SEMA6D: variants seen among roughly 807,000 people sequenced by gnomAD.
The protein encoded by SEMA6D is semaphorin-6D.
Under a neutral mutation model 106.6 loss-of-function variants are expected in SEMA6D, and 35 were observed. That is an observed-to-expected ratio of 0.33 (90% CI 0.25 to 0.44). The LOEUF is 0.44. Ranked by LOEUF, SEMA6D falls within the 20% of genes least tolerant of loss-of-function variation. The probability of loss-of-function intolerance (pLI) is 1.00; values close to 1 mark genes in which losing one functional copy is unlikely to be tolerated. For missense variants in SEMA6D, 1,185 were observed against 1,345.9 expected (o/e 0.88, Z 1.87); for synonymous variants, 499 against 487.7 (o/e 1.02, Z -0.31).
At chr15:47,689,567 T>A (rs906258487) in intron 4 of SEMA6D, among the ~76,000 whole-genome samples, 2 of 152,230 alleles carry the variant, frequency 1.3e-5, no homozygotes, top group African/African-American at 4.8e-5. Flanking sequence ...TCTTCAGGTC[T>A]TGCCTTGGAC....
chr15:47,411,785 G>A (rs1478546876), intron 1 of SEMA6D, among the ~76,000 whole-genome samples: 3 of 151,996 alleles, frequency 2.0e-5, no homozygotes, highest in Non-Finnish European at 1.5e-5. Context: ...GCCACTTCCG[G>A]GTTCAGATCC....
At chr15:47,351,514 C>T (rs541544895) in intron 1 of SEMA6D, among the ~76,000 whole-genome samples, 2 of 152,198 alleles carry the variant, frequency 1.3e-5, no homozygotes, top group Admixed American at 1.3e-4. Context: ...TATTGTTATT[C>T]CTGATTCAGC....
chr15:47,710,586 G>GCA (rs2078997485), intron 4 of SEMA6D, among the ~76,000 whole-genome samples: 1 of 151,986 alleles, frequency 6.6e-6, no homozygotes, highest in Admixed American at 6.6e-5. Context: ...AAATACACAC[G>GCA]CACACACACA....
chr15:47,658,478 A>G (rs980130404), intron 4 of SEMA6D, among the ~76,000 whole-genome samples: 7 of 152,222 alleles, frequency 4.6e-5, no homozygotes, highest in African/African-American at 1.7e-4. Flanking sequence ...AATGTGAAAA[A>G]AATATGTAGC....
intron 1 of SEMA6D, among the ~76,000 whole-genome samples, chr15:47,258,885 T>A (rs547888808): frequency 2.6e-5 from 4 of 152,300 alleles, no homozygotes; most frequent in Non-Finnish European, 4.4e-5. Context: ...TCTGCTTGTT[T>A]CCTTTCATTC....
At chr15:47,218,413 G>A (rs969549217) in intron 1 of SEMA6D, among the ~76,000 whole-genome samples, 3 of 152,050 alleles carry the variant, frequency 2.0e-5, no homozygotes, top group Non-Finnish European at 4.4e-5. Flanking sequence ...GTACTCTTCC[G>A]AGGTGGCTTG....
intron 3 of SEMA6D, among the ~76,000 whole-genome samples, chr15:47,471,775 C>A (rs531983397): frequency 2.0e-5 from 3 of 152,082 alleles, no homozygotes; most frequent in East Asian, 1.9e-4. Context: ...GGGAAGAGAG[C>A]GAGGCATGTC....
chr15:47,667,896 C>T (rs189032647), intron 4 of SEMA6D, among the ~76,000 whole-genome samples: 2 of 152,220 alleles, frequency 1.3e-5, no homozygotes, highest in East Asian at 3.9e-4. Context: ...ATGCAGGTTC[C>T]CAGAGTCCTA....
intron 1 of SEMA6D, among the ~76,000 whole-genome samples, chr15:47,281,861 A>G (rs569887441): frequency 7.7e-4 from 117 of 152,170 alleles, no homozygotes; most frequent in Non-Finnish European, 1.3e-3. Context: ...TTATATTTCC[A>G]CGATACATCT....
chr15:47,246,173 T>C (rs886231425), intron 1 of SEMA6D, among the ~76,000 whole-genome samples: 2 of 152,190 alleles, frequency 1.3e-5, no homozygotes, highest in African/African-American at 2.4e-5. Context: ...GAGTGACTAC[T>C]AGCAGAGGTG....
chr15:47,760,000 A>AT (rs2081974276), intron 2 of SEMA6D, 93 bp downstream of exon 2: 1 of 950,268 alleles, frequency 1.1e-6, no homozygotes, highest in Non-Finnish European at 1.7e-6. Flanking sequence ...AGAGGCAGAG[A>AT]TTTTTTATGT....
chr15:47,554,385 G>A (rs949814771), intron 3 of SEMA6D, among the ~76,000 whole-genome samples: 1 of 152,204 alleles, frequency 6.6e-6, no homozygotes, highest in Non-Finnish European at 1.5e-5. Flanking sequence ...AAGTGAATGA[G>A]TGCAGTTCAC....
chr15:47,245,405 G>A (rs1419066428), intron 1 of SEMA6D, among the ~76,000 whole-genome samples: 1 of 152,050 alleles, frequency 6.6e-6, no homozygotes, highest in Non-Finnish European at 1.5e-5. Context: ...TGAAGTGAAG[G>A]CACTGGAGGA....
chr15:47,577,129 C>T (rs1162014856), intron 3 of SEMA6D, among the ~76,000 whole-genome samples: 1 of 152,206 alleles, frequency 6.6e-6, no homozygotes, highest in Non-Finnish European at 1.5e-5. Context: ...TTGCATTTCA[C>T]AAATATATTT....
chr15:47,315,176 T>G (rs1180688548), intron 1 of SEMA6D, among the ~76,000 whole-genome samples: 3 of 152,196 alleles, frequency 2.0e-5, no homozygotes, highest in African/African-American at 7.2e-5. Context: ...CTAGGTTTTC[T>G]TAAGTGTTAT....
In SEMA6D at chr15:47,359,301, G is replaced by C. The variant is rs1463854945; in HGVS notation, c.-238-53092G>C. On this transcript the variant is annotated intron_variant, in intron 1 of 19. Transcript: ENST00000558014. ...ATTGGCTAGTCTTAATTAAATAATT[G>C]GTCTTAAATAATTAATTTTTACTCT... 2.0e-5 allele frequency: 3 copies of C among 151,928 alleles called. No homozygotes were observed. In the East Asian group the frequency reaches 5.8e-4, roughly 29 times the overall value. 9.4% of individuals were successfully genotyped at this position (151,928 alleles called of 1,614,324 possible).
chr15:47,529,055 A>C (rs1017262236), intron 3 of SEMA6D, among the ~76,000 whole-genome samples: 1 of 152,236 alleles, frequency 6.6e-6, no homozygotes, highest in African/African-American at 2.4e-5. Flanking sequence ...CAATAACATA[A>C]ATAGTTGATT....
In SEMA6D at chr15:47,567,714, A is replaced by G. The variant is rs184287007; in HGVS notation, c.-86-33151A>G. Among the ~76,000 whole-genome samples the G allele has an allele frequency of 1.4e-4, 22 of 152,296 alleles. No homozygotes were observed. In the East Asian group the frequency reaches 4.2e-3, roughly 29 times the overall value. Reference sequence around the variant, plus strand: ...ATATTACAGTATATGCTTATTGCTTACTTCCTTGTGTTTGTCTTCCCGCAC... The same window carrying G: ...ATATTACAGTATATGCTTATTGCTTGCTTCCTTGTGTTTGTCTTCCCGCAC... On this transcript the variant is annotated intron_variant, in intron 3 of 19. Coordinates refer to the SEMA6D transcript ENST00000558014.
chr15:47,667,810 G>T (rs2078057885), intron 4 of SEMA6D, among the ~76,000 whole-genome samples: 1 of 152,128 alleles, frequency 6.6e-6, no homozygotes, highest in African/African-American at 2.4e-5. Context: ...TGAATTTGGG[G>T]GGATGTAAAC....
Sources: allele counts gnomAD v4.1 joint callset (sites outside exome capture counted in the v4.1 genomes callset), GRCh38; gene constraint gnomAD v4.1.1; transcripts MANE v1.5; gene names NCBI Gene and HGNC (gene_info 2026-07-23, HGNC 2026-07-21).